KCNJ16: variants seen among roughly 807,000 people sequenced by gnomAD.
KCNJ16 encodes the protein potassium inwardly rectifying channel subfamily J member 16.
Under a neutral mutation model 18.5 loss-of-function variants are expected in KCNJ16, and 15 were observed. The ratio of observed to expected loss-of-function variants is 0.81; its 90% CI spans 0.54 to 1.25. The LOEUF (loss-of-function observed/expected upper bound fraction) is 1.25. KCNJ16 is among the 50% of genes most tolerant of loss of function. The pLI is 0.00. For missense variants in KCNJ16, 523 were observed against 525.7 expected (o/e 0.99, Z 0.05); for synonymous variants, 174 against 186.5 (o/e 0.93, Z 0.55).
chr17:70,109,958 C>T (rs2073111262), intron 2 of KCNJ16, among the ~76,000 whole-genome samples: 1 of 152,150 alleles, frequency 6.6e-6, no homozygotes, highest in African/African-American at 2.4e-5. Context: ...TGGCCATCTG[C>T]ACCTACAATG....
intron 1 of KCNJ16, among the ~76,000 whole-genome samples, chr17:70,079,164 G>A (rs950221763): frequency 1.3e-5 from 2 of 152,132 alleles, no homozygotes; most frequent in African/African-American, 2.4e-5. Context: ...GGGCGGGCTG[G>A]TAGAAATTCT....
At chr17:70,078,173 C>T (rs1344739179) in intron 1 of KCNJ16, among the ~76,000 whole-genome samples, 2 of 152,126 alleles carry the variant, frequency 1.3e-5, no homozygotes, top group African/African-American at 4.8e-5. Context: ...GGATGCAAAA[C>T]ATAACATTCT....
At chr17:70,117,533 T>C (rs112797453) in intron 2 of KCNJ16, among the ~76,000 whole-genome samples, 3 of 152,204 alleles carry the variant, frequency 2.0e-5, no homozygotes, top group African/African-American at 4.8e-5. Flanking sequence ...AAACAAGTAG[T>C]ATCACCTTTG....
At chr17:70,114,753 A>T (rs1224346842) in intron 2 of KCNJ16, among the ~76,000 whole-genome samples, 2 of 152,160 alleles carry the variant, frequency 1.3e-5, no homozygotes, top group African/African-American at 2.4e-5. Context: ...GGAAATTGCC[A>T]ATTTTATAAT....
intron 2 of KCNJ16, among the ~76,000 whole-genome samples, chr17:70,126,285 A>G (rs971515119): frequency 1.3e-5 from 2 of 152,210 alleles, no homozygotes; most frequent in African/African-American, 4.8e-5. Context: ...AGTAAACACG[A>G]TTAACTTATT....
rs891616719 is a variant in KCNJ16 at position 70,133,585 on chromosome 17, A to G, written c.*241A>G. On this transcript the variant is annotated 3_prime_UTR_variant, in exon 4 of 4. Transcript: ENST00000392671. ...TATTAAGCCTAATTGATTAAAATTT[A>G]TCTTTTTTATTATCTTACATGCTTG... 2 of 387,992 alleles carry G rather than the reference A, an allele frequency of 5.2e-6. No homozygotes were observed. Among genetic ancestry groups the G allele is most frequent in the Non-Finnish European group, 9.6e-6 (2 of 208,780 alleles). The allele number at this position is 387,992 out of a possible 1,614,324, so 24.0% of individuals were successfully genotyped here. A position where few individuals can be genotyped will look rare whatever the true frequency, so the allele number is the denominator to read the frequency against.
intron 2 of KCNJ16, among the ~76,000 whole-genome samples, chr17:70,108,595 C>T (rs751675472): frequency 2.6e-5 from 4 of 152,164 alleles, no homozygotes; most frequent in Non-Finnish European, 4.4e-5. Flanking sequence ...TCCTGTTCCA[C>T]TCCTTCATCA....
intron 1 of KCNJ16, among the ~76,000 whole-genome samples, chr17:70,091,718 C>G (rs1457741140): frequency 6.6e-5 from 10 of 152,106 alleles, no homozygotes; most frequent in Non-Finnish European, 1.2e-4. Context: ...TTGCTATTAC[C>G]TAGGTAGGGC....
intron 1 of KCNJ16, among the ~76,000 whole-genome samples, chr17:70,078,875 C>CT (rs1567774314): frequency 6.6e-6 from 1 of 152,134 alleles, no homozygotes; most frequent in African/African-American, 2.4e-5. Context: ...TAATATTGTC[C>CT]TGCGTGTGCT....
intron 2 of KCNJ16, among the ~76,000 whole-genome samples, chr17:70,108,877 T>C (rs1320083157): frequency 6.6e-6 from 1 of 152,110 alleles, no homozygotes; most frequent in Non-Finnish European, 1.5e-5. Flanking sequence ...TGCCTAAATT[T>C]CCCTGCTTGT....
intron 2 of KCNJ16, among the ~76,000 whole-genome samples, chr17:70,103,286 A>ATGTGTGATTG (rs367701950): frequency 9.6e-6 from 1 of 103,814 alleles, no homozygotes; most frequent in Non-Finnish European, 1.9e-5. Flanking sequence ...ATATGCATAT[A>ATGTGTGATTG]TGTGTGTGTG....
chr17:70,107,451 C>A (rs1291591749), intron 2 of KCNJ16, among the ~76,000 whole-genome samples: 1 of 152,188 alleles, frequency 6.6e-6, no homozygotes, highest in East Asian at 1.9e-4. Flanking sequence ...TCCTTAGAGA[C>A]TACCCTTGTA....
At chr17:70,130,603 G>A (rs963019926) in intron 2 of KCNJ16, among the ~76,000 whole-genome samples, 1 of 152,214 alleles carries the variant, frequency 6.6e-6, no homozygotes, top group African/African-American at 2.4e-5. Context: ...TCACTGGAGG[G>A]AAGTTAACTC....
chr17:70,076,735 G>A (rs11650770), intron 1 of KCNJ16, among the ~76,000 whole-genome samples: 4,433 of 152,210 alleles, frequency 0.029, 79 homozygotes, highest in Non-Finnish European at 0.047. Flanking sequence ...TTAGTGGTGA[G>A]TACAAGCTAA....
Position 70,132,440 on chromosome 17 carries a change from T to G in KCNJ16, c.353T>G (p.Phe118Cys). The change falls in exon 4 of 4, where the codon TTC becomes TGC. Residue 118 changes from phenylalanine (F) to cysteine (C), a missense_variant. By Grantham distance (205) the Phe-to-Cys change is radical (BLOSUM62 -2). Coordinates refer to ENST00000392671, the MANE Select transcript of KCNJ16 (RefSeq NM_170741.4). ...CCTTGTGTTGACAACGTCCATTCTT[T>G]CACAGGGGCCTTTTTGTTCTCCCTA... ...ITPCVDNVHSFTGAFLFSLET... is the reference protein window; with the variant it reads ...ITPCVDNVHSCTGAFLFSLET... The G allele has an allele frequency of 1.2e-6, 2 of 1,614,212 alleles. No homozygotes were observed. The highest frequency in any genetic ancestry group is 1.3e-5 in the African/African-American group (1 of 75,058).
intron 3 of KCNJ16, chr17:70,131,542 C>G (rs1238378831): frequency 1.2e-6 from 1 of 855,410 alleles, no homozygotes; most frequent in South Asian, 5.0e-5. Context: ...AAAGTAGAAA[C>G]TCTTTATTGC....
At chr17:70,116,510 C>A (rs1351087814) in intron 2 of KCNJ16, among the ~76,000 whole-genome samples, 1 of 152,142 alleles carries the variant, frequency 6.6e-6, no homozygotes, top group Non-Finnish European at 1.5e-5. Flanking sequence ...GCTAGCTTAC[C>A]TCCAGAAATA....
At chr17:70,113,620 T>C (rs991269161) in intron 2 of KCNJ16, among the ~76,000 whole-genome samples, 47 of 152,154 alleles carry the variant, frequency 3.1e-4, no homozygotes, top group African/African-American at 1.1e-3. Flanking sequence ...CCAAACTCAG[T>C]TCTTAGTTGC....
rs199635549 is a variant in KCNJ16 at position 70,132,160 on chromosome 17, A to G, written c.73A>G (p.Ile25Val). The G allele has an allele frequency of 4.8e-5, 77 of 1,614,240 alleles. No homozygotes were observed. The East Asian group carries it at 1.3e-3, about 28-fold the overall frequency. Residue 25 changes from isoleucine (I) to valine (V), a missense_variant, in exon 4 of 4, where the codon ATT becomes GTT. Physicochemically the swap from Ile to Val is conservative, Grantham distance 29. Transcript: ENST00000392671. ...AKYPGYPPEH[I>V]IAEKRRARRR... ...ATACCCAGGCTACCCGCCAGAGCAC[A>G]TTATAGCTGAGAAGAGAAGAGCAAG...
Sources: gnomAD v4.1 joint callset for allele counts (sites outside exome capture counted in the v4.1 genomes callset) on GRCh38, gnomAD v4.1.1 for gene constraint, MANE v1.5 for transcripts, NCBI Gene and HGNC (gene_info 2026-07-23, HGNC 2026-07-21) for gene names.